Variants in RASEF observed in about 807,000 individuals in gnomAD.
RASEF encodes the protein ras and EF-hand domain-containing protein.
In RASEF, 68 loss-of-function variants were observed where a neutral mutation model predicts 90.1. The ratio of observed to expected loss-of-function variants is 0.75; its 90% CI spans 0.62 to 0.92. The LOEUF is 0.92. Ranked by LOEUF, RASEF falls within the 40% of genes least tolerant of loss-of-function variation. The pLI is 0.00. For synonymous variants in RASEF, 331 were observed against 345.2 expected (o/e 0.96, Z 0.46); for missense variants, 949 against 937.2 (o/e 1.01, Z -0.16).
chr9:83,195,346 G>C, the RASEF span, among the ~76,000 whole-genome samples: 733 of 152,276 alleles, frequency 4.8e-3, 6 homozygotes, highest in African/African-American at 0.017. Flanking sequence ...GAAGAGCAGG[G>C]GCAATGATTA....
At chr9:83,071,033 T>C in the RASEF span, among the ~76,000 whole-genome samples, 2 of 152,188 alleles carry the variant, frequency 1.3e-5, no homozygotes, top group Non-Finnish European at 2.9e-5. Flanking sequence ...TCTTAGAATT[T>C]TCTCCATACA....
the RASEF span, among the ~76,000 whole-genome samples, chr9:83,161,773 A>G: frequency 6.6e-6 from 1 of 151,890 alleles, no homozygotes; most frequent in East Asian, 2.0e-4. Flanking sequence ...AGAGGAATCC[A>G]GTGGGAGGTG....
At chr9:83,049,352 G>C (rs1413227903) in intron 1 of RASEF, 4 of 984,874 alleles carry the variant, frequency 4.1e-6, no homozygotes, top group African/African-American at 1.7e-5. Context: ...CATCTCCACA[G>C]TCAATGTCCG....
the RASEF span, among the ~76,000 whole-genome samples, chr9:83,152,473 A>C: frequency 6.6e-6 from 1 of 152,174 alleles, no homozygotes; most frequent in East Asian, 1.9e-4. Context: ...ATCTTGGTGA[A>C]GGTGAGTTAG....
intron 12 of RASEF, among the ~76,000 whole-genome samples, chr9:82,998,786 T>C (rs1245260143): frequency 1.3e-5 from 2 of 152,098 alleles, no homozygotes; most frequent in Non-Finnish European, 2.9e-5. Flanking sequence ...TGAGTGGGCA[T>C]GCATGAATGT....
intron 2 of RASEF, among the ~76,000 whole-genome samples, chr9:83,022,780 C>A (rs947622889): frequency 6.6e-6 from 1 of 152,128 alleles, no homozygotes; most frequent in African/African-American, 2.4e-5. Context: ...TAGCATATTG[C>A]TCCTAGGCTG....
At chr9:83,018,565 C>CA (rs1554707743) in intron 3 of RASEF, among the ~76,000 whole-genome samples, 2 of 150,464 alleles carry the variant, frequency 1.3e-5, no homozygotes, top group Non-Finnish European at 3.0e-5. Context: ...TTTTTGTTTG[C>CA]TTTTTTTTTT....
chr9:83,017,321 TAAAAAA>T (rs1174147161), intron 3 of RASEF, among the ~76,000 whole-genome samples: 2 of 128,220 alleles, frequency 1.6e-5, no homozygotes, highest in Non-Finnish European at 3.3e-5. Context: ...TCGTCTCTAC[TAAAAAA>T]AAAAAAAAAA....
At chr9:83,015,991 T>G (rs968315767) in intron 3 of RASEF, 91 bp from the exon 4 acceptor site, 5 of 916,582 alleles carry the variant, frequency 5.5e-6, no homozygotes, top group Non-Finnish European at 8.7e-6. Context: ...TGTGTCAAAT[T>G]AAGGCTGACT....
At chr9:83,159,897 A>T in the RASEF span, among the ~76,000 whole-genome samples, 1 of 152,156 alleles carries the variant, frequency 6.6e-6, no homozygotes, top group African/African-American at 2.4e-5. Context: ...TGTTCTCGTG[A>T]TAGTGAGTCT....
At chr9:83,118,234 A>G in the RASEF span, among the ~76,000 whole-genome samples, 1 of 152,124 alleles carries the variant, frequency 6.6e-6, no homozygotes, top group Non-Finnish European at 1.5e-5. Flanking sequence ...ATAGTCTGGC[A>G]TCCATTAATG....
At chr9:83,074,618 G>T in the RASEF span, among the ~76,000 whole-genome samples, 286 of 152,264 alleles carry the variant, frequency 1.9e-3, no homozygotes, top group African/African-American at 6.5e-3. Context: ...TCAAATTTCA[G>T]TGTCCATAAA....
intron 1 of RASEF, among the ~76,000 whole-genome samples, chr9:83,055,949 G>A (rs1193195094): frequency 6.6e-6 from 1 of 152,170 alleles, no homozygotes; most frequent in Non-Finnish European, 1.5e-5. Context: ...TCCTTCAGGT[G>A]TTAGAAACTC....
At chr9:83,209,112 C>T in the RASEF span, among the ~76,000 whole-genome samples, 15 of 152,200 alleles carry the variant, frequency 9.9e-5, no homozygotes, top group Non-Finnish European at 1.6e-4. Flanking sequence ...TCTGCTTCTC[C>T]GGGAGTCACT....
At chr9:83,194,854 T>G in the RASEF span, among the ~76,000 whole-genome samples, 1 of 152,236 alleles carries the variant, frequency 6.6e-6, no homozygotes, top group African/African-American at 2.4e-5. Flanking sequence ...CCCTTTGATA[T>G]GCCCCATTCT....
At chr9:83,029,810 G>GT (rs1243740959) in intron 1 of RASEF, among the ~76,000 whole-genome samples, 1 of 152,134 alleles carries the variant, frequency 6.6e-6, no homozygotes, top group African/African-American at 2.4e-5. Flanking sequence ...ACCTGCAGTA[G>GT]TAAGTCTCTT....
intron 3 of RASEF, among the ~76,000 whole-genome samples, chr9:83,020,403 G>T (rs1010746028): frequency 3.9e-5 from 6 of 152,236 alleles, no homozygotes; most frequent in African/African-American, 1.4e-4. Flanking sequence ...GGAAGGAAAT[G>T]AGGGAAAAAT....
At chr9:83,217,872 C>G in the RASEF span, among the ~76,000 whole-genome samples, 7 of 152,164 alleles carry the variant, frequency 4.6e-5, no homozygotes, top group African/African-American at 1.7e-4. Flanking sequence ...TCTTAGGTGT[C>G]TGGTCCAGAA....
chr9:83,157,698 A>G, the RASEF span, among the ~76,000 whole-genome samples: 1 of 152,210 alleles, frequency 6.6e-6, no homozygotes, highest in Admixed American at 6.5e-5. Context: ...TTATTTGATA[A>G]TATAGTTTTA....
Sources: allele counts gnomAD v4.1 joint callset (sites outside exome capture counted in the v4.1 genomes callset), GRCh38; gene constraint gnomAD v4.1.1; transcripts MANE v1.5; gene names NCBI Gene and HGNC (gene_info 2026-07-23, HGNC 2026-07-21).